The following APBA2 variants were observed in gnomAD, a reference collection of about 807,000 sequenced individuals.
The protein encoded by APBA2 is amyloid-beta A4 precursor protein-binding family A member 2.
Under a neutral mutation model 75.0 loss-of-function variants are expected in APBA2, and 30 were observed. The ratio of observed to expected loss-of-function variants is 0.40; its 90% confidence interval spans 0.30 to 0.54. APBA2 has a LOEUF of 0.54. Among genes scored for constraint, APBA2 ranks in the 20% least tolerant of loss-of-function variants. APBA2 has a pLI of 0.49. For missense variants in APBA2, 801 were observed against 1,016.1 expected, an observed-to-expected ratio of 0.79 and a Z score of 2.88; for synonymous variants, 444 against 409.6, an observed-to-expected ratio of 1.08 and a Z score of -1.01.
intron 1 of APBA2, among the ~76,000 whole-genome samples, chr15:28,889,926 G>A (rs1380018304): frequency 6.6e-6 from 1 of 152,120 alleles, no homozygotes. Context: ...TTTGTTTATT[G>A]TCAGTCTCTT....
chr15:28,941,961 G>A lies in APBA2; in HGVS notation c.-95+20212G>A, dbSNP rs963632897. Among the ~76,000 whole-genome samples the A allele has an allele frequency of 2.6e-5, 4 of 152,192 alleles. No individual in the cohort carries two copies. The South Asian group carries it at 6.2e-4, about 24-fold the overall frequency. On this transcript the variant is annotated intron_variant, in intron 2 of 14. Coordinates refer to ENST00000683413, the MANE Select transcript of APBA2 (RefSeq NM_001353788.2). ...TTTTTAGTAGAGACACGGTTTGACCGTGTTAGCCAGGATGGTCTCGATCTC... is the reference window on the plus strand; with the variant it reads ...TTTTTAGTAGAGACACGGTTTGACCATGTTAGCCAGGATGGTCTCGATCTC...
intron 1 of APBA2, among the ~76,000 whole-genome samples, chr15:28,893,043 C>T (rs1280653057): frequency 2.6e-5 from 4 of 152,186 alleles, no homozygotes; most frequent in South Asian, 2.1e-4. Context: ...CTGGATTATC[C>T]GGAGCTGGTG....
chr15:29,089,549 TG>T (rs1318119093), intron 6 of APBA2, among the ~76,000 whole-genome samples: 3 of 152,184 alleles, frequency 2.0e-5, no homozygotes, highest in Non-Finnish European at 4.4e-5. Flanking sequence ...GGGGCCACAC[TG>T]GCACCTTAGA....
chr15:28,979,376 T>C (rs2037505761), intron 2 of APBA2, among the ~76,000 whole-genome samples: 1 of 152,208 alleles, frequency 6.6e-6, no homozygotes, highest in East Asian at 1.9e-4. Flanking sequence ...CGGGCCTCTG[T>C]TGTGTTTTGA....
At chr15:29,012,955 T>G (rs2039470828) in intron 3 of APBA2, among the ~76,000 whole-genome samples, 1 of 152,152 alleles carries the variant, frequency 6.6e-6, no homozygotes, top group African/African-American at 2.4e-5. Flanking sequence ...CTGAGCTTAT[T>G]TCTGGGTAAT....
At chr15:28,962,140 A>G (rs951514440) in intron 2 of APBA2, among the ~76,000 whole-genome samples, 9 of 152,136 alleles carry the variant, frequency 5.9e-5, no homozygotes, top group Non-Finnish European at 8.8e-5. Flanking sequence ...CACTGCAATC[A>G]TTATCCTCAT....
At chr15:28,889,537 C>T (rs956533593) in intron 1 of APBA2, among the ~76,000 whole-genome samples, 25 of 152,222 alleles carry the variant, frequency 1.6e-4, no homozygotes, top group Non-Finnish European at 3.5e-4. Flanking sequence ...CCAAGAATGG[C>T]CCCTCCAGGC....
chr15:29,014,963 C>G lies in APBA2; in HGVS notation c.-41+19157C>G, dbSNP rs115669047. ...CTTCAAAATCACCTTGAAGGCGACT[C>G]CATTTCTGTATTGCCCAAATCAGTC... is the stretch of plus-strand genomic sequence containing the variant. On this transcript the variant is annotated intron_variant, in intron 3 of 14. Transcript: ENST00000683413. Among the ~76,000 whole-genome samples, 1,136 of 152,246 alleles carry G rather than the reference C, an allele frequency of 7.5e-3. 10 individuals carry two copies. Among genetic ancestry groups the G allele is most frequent in the African/African-American group, 0.025 (1,052 of 41,540 alleles).
intron 2 of APBA2, among the ~76,000 whole-genome samples, chr15:28,971,373 T>A (rs935233274): frequency 1.4e-4 from 21 of 152,140 alleles, no homozygotes; most frequent in Admixed American, 1.3e-4. Context: ...ACAATTAATG[T>A]AGCAAACCTC....
At chr15:28,942,354 G>A (rs116300689) in intron 2 of APBA2, among the ~76,000 whole-genome samples, 1,689 of 152,298 alleles carry the variant, frequency 0.011, 45 homozygotes, top group African/African-American at 0.038. Flanking sequence ...TCTGGGGTCT[G>A]CGCTTTACTA....
At chr15:28,928,259 A>G (rs1046404866) in intron 2 of APBA2, among the ~76,000 whole-genome samples, 1 of 152,124 alleles carries the variant, frequency 6.6e-6, no homozygotes, top group Non-Finnish European at 1.5e-5. Flanking sequence ...CAGGCCTTTA[A>G]CGTGAGGTTT....
At chr15:29,084,110 T>C (rs2043190791) in intron 6 of APBA2, among the ~76,000 whole-genome samples, 1 of 152,248 alleles carries the variant, frequency 6.6e-6, no homozygotes, top group Non-Finnish European at 1.5e-5. Flanking sequence ...AAGAAAGCTA[T>C]CGATTTTTAT....
intron 3 of APBA2, among the ~76,000 whole-genome samples, chr15:28,999,367 C>G (rs1204695419): frequency 6.6e-6 from 1 of 152,032 alleles, no homozygotes. Flanking sequence ...CTGTTTGTAT[C>G]AAGAACTCTT....
chr15:28,997,149 G>A (rs1388185334), intron 3 of APBA2, among the ~76,000 whole-genome samples: 2 of 152,224 alleles, frequency 1.3e-5, no homozygotes, highest in Non-Finnish European at 2.9e-5. Flanking sequence ...CTTGCATCCA[G>A]TTGGGGAGCA....
chr15:29,071,265 T>G (rs2042610239), intron 4 of APBA2, among the ~76,000 whole-genome samples: 1 of 152,128 alleles, frequency 6.6e-6, no homozygotes, highest in South Asian at 2.1e-4. Context: ...TTATTGGCAT[T>G]AGTGTATTTT....
chr15:29,038,416 G>T (rs2040853506), intron 3 of APBA2, among the ~76,000 whole-genome samples: 1 of 152,206 alleles, frequency 6.6e-6, no homozygotes, highest in African/African-American at 2.4e-5. Context: ...GTTAGCTTTT[G>T]AAAATAATTG....
At chr15:29,073,983 C>T (rs1250443520) in intron 4 of APBA2, among the ~76,000 whole-genome samples, 1 of 151,888 alleles carries the variant, frequency 6.6e-6, no homozygotes, top group African/African-American at 2.4e-5. Context: ...TGCATTTATT[C>T]TCATCCAAGA....
chr15:28,960,318 G>A (rs1566844778), intron 2 of APBA2, among the ~76,000 whole-genome samples: 1 of 151,916 alleles, frequency 6.6e-6, no homozygotes, highest in Non-Finnish European at 1.5e-5. Context: ...ATTAAAATTA[G>A]CTGGGTGTGG....
rs1002673476 is a variant in APBA2 at position 28,938,317 on chromosome 15, A to G, written c.-95+16568A>G. 3.3e-5 allele frequency among the ~76,000 whole-genome samples: 5 copies of G among 152,370 alleles called. No individual in the cohort carries two copies. The East Asian group carries it at 9.6e-4, about 29-fold the overall frequency. On this transcript the variant is annotated intron_variant, in intron 2 of 14. Transcript: ENST00000683413. ...AAGCCACATGAGAAATAATACTCAT[A>G]AATTGAAACAAATGTATTTCATCCT... is the stretch of plus-strand genomic sequence containing the variant.
Sources: allele counts gnomAD v4.1 joint callset (sites outside exome capture counted in the v4.1 genomes callset), GRCh38; gene constraint gnomAD v4.1.1; transcripts MANE v1.5; gene names NCBI Gene and HGNC (gene_info 2026-07-23, HGNC 2026-07-21).